The following MYCL variants were observed in gnomAD, a reference collection of about 807,000 sequenced individuals.
MYCL encodes the protein MYCL proto-oncogene, bHLH transcription factor, also known as protein L-Myc.
A neutral mutation model predicts 31.0 loss-of-function variants in MYCL; 11 were observed. That is an observed-to-expected ratio of 0.35 (90% confidence interval 0.22 to 0.59). The LOEUF is 0.59. Among genes scored for constraint, MYCL ranks in the 20% least tolerant of loss-of-function variants. The pLI, the probability that MYCL is intolerant of heterozygous loss-of-function variation, is 0.79. For missense variants in MYCL, 427 were observed against 486.1 expected (o/e 0.88, Z 1.14); for synonymous variants, 208 against 202.4 (o/e 1.03, Z -0.23).
At chr1:39,898,098 C>T in intron 1 of MYCL, 128 bp from the exon 2 acceptor site, 1 of 1,353,622 alleles carries the variant, frequency 7.4e-7, no homozygotes, top group South Asian at 1.5e-5. Flanking sequence ...TAGATATATA[C>T]AAATCGAGGT....
chr1:39,900,337 T>G, intron 1 of MYCL: 1 of 985,724 alleles, frequency 1.0e-6, no homozygotes, highest in Non-Finnish European at 1.2e-6. Flanking sequence ...GTAGTGATTG[T>G]CTATCTCTAA....
chr1:39,897,513 G>A lies in MYCL; in HGVS notation c.954C>T (p.Pro318=). The A allele has an allele frequency of 3.1e-6, 5 of 1,614,192 alleles. No individual in the cohort carries two copies. In the South Asian group the frequency reaches 4.4e-5, roughly 14 times the overall value. ...VPTLASCSKA[P]KVVILSKALE... is the part of the protein sequence containing the mutation. Reference sequence around the variant, plus strand: ...AGGCCTTGCTTAGGATCACTACTTTGGGGGCCTTGGAGCAGCTGGCCAGGG... The same window carrying A: ...AGGCCTTGCTTAGGATCACTACTTTAGGGGCCTTGGAGCAGCTGGCCAGGG... The change falls in exon 2 of 2, where the codon CCC becomes CCT. Residue 318 remains proline, a synonymous_variant. Coordinates refer to ENST00000372816, the MANE Select transcript of MYCL (RefSeq NM_001033081.3). The surrounding 1 kb of genome is among the most constrained non-coding windows in gnomAD (Gnocchi z 4.3).
chr1:39,898,510 GAA>G (rs1468307525), intron 1 of MYCL: 3 of 277,368 alleles, frequency 1.1e-5, no homozygotes, highest in African/African-American at 6.9e-5. Flanking sequence ...CCTTTCAGCT[GAA>G]GATTCAGAGA....
Position 39,896,744 on chromosome 1 carries a change from G to A in MYCL, c.*628C>T, listed in dbSNP as rs995916541. On this transcript the variant is annotated 3_prime_UTR_variant, in exon 2 of 2. Coordinates refer to ENST00000372816, the MANE Select transcript of MYCL (RefSeq NM_001033081.3). ...AAGCTTTTTAAGTGTTCCCAGGGTC[G>A]CAGCATTGGGAGTGGGAGGAAGGGG... is the stretch of plus-strand genomic sequence containing the variant. The A allele has an allele frequency of 1.4e-5, 3 of 216,642 alleles. No individual in the cohort carries two copies. The highest frequency in any genetic ancestry group is 6.8e-5 in the East Asian group (1 of 14,722). 13.4% of individuals were successfully genotyped at this position (216,642 alleles called of 1,614,324 possible). A position where few individuals can be genotyped will look rare whatever the true frequency, so the allele number is the denominator to read the frequency against.
chr1:39,900,090 C>A lies in MYCL; in HGVS notation c.496+849G>T. 3.0e-6 allele frequency: 3 copies of A among 985,434 alleles called. No individual in the cohort carries two copies. In the South Asian group the frequency reaches 1.4e-4, roughly 46 times the overall value. The allele number at this position is 985,434 out of a possible 1,614,324, so 61.0% of individuals were successfully genotyped here. A position where few individuals can be genotyped will look rare whatever the true frequency, so the allele number is the denominator to read the frequency against. On this transcript the variant is annotated intron_variant, in intron 1 of 1. Transcript: ENST00000372816. ...ACCCCAGCATGTAGCCCACAGATTGCCACAAAGTAGGGGCCAGTGAATATT... is the reference window on the plus strand; with the variant it reads ...ACCCCAGCATGTAGCCCACAGATTGACACAAAGTAGGGGCCAGTGAATATT...
intron 1 of MYCL, among the ~76,000 whole-genome samples, chr1:39,899,279 G>T (rs185537589): frequency 6.6e-6 from 1 of 152,212 alleles, no homozygotes; most frequent in African/African-American, 2.4e-5. Flanking sequence ...AACAGGTTCA[G>T]GTTAAAGGGT....
At position 39,901,762 on chromosome 1, in the gene MYCL, C is replaced by A; in HGVS notation, c.-328G>T. On this transcript the variant is annotated 5_prime_UTR_variant, in exon 1 of 2. Transcript: ENST00000372816. The surrounding 1 kb of genome is among the most constrained non-coding windows in gnomAD (Gnocchi z 6.9). ...CCCAGAAGGCAGCCTGCAGCCAGCC[C>A]GCACCGCGGGACCCGCGCCCGTGCC... 1 of 1,223,880 alleles carries A rather than the reference C, an allele frequency of 8.2e-7. No individual in the cohort carries two copies. The highest frequency in any genetic ancestry group is 4.1e-5 in the Admixed American group (1 of 24,484). 75.8% of individuals were successfully genotyped at this position (1,223,880 alleles called of 1,614,324 possible).
intron 1 of MYCL, chr1:39,899,165 T>C: frequency 1.3e-6 from 1 of 769,940 alleles, no homozygotes; most frequent in Non-Finnish European, 1.6e-6. Flanking sequence ...CCCTATTGGG[T>C]GAGCTCTGCT....
chr1:39,900,193 A>G, intron 1 of MYCL: 3 of 985,526 alleles, frequency 3.0e-6, no homozygotes, highest in Non-Finnish European at 3.6e-6. Context: ...TCTCAGGACA[A>G]ACAGCAAGGC....
intron 1 of MYCL, chr1:39,898,686 T>C (rs1480133464): frequency 1.0e-6 from 1 of 985,356 alleles, no homozygotes; most frequent in African/African-American, 1.7e-5. Context: ...TTTGTAATCA[T>C]AGGTCGGCGA....
rs1570181108 is a variant in MYCL, at chr1:39,897,360, C to A, written c.*12G>T. On this transcript the variant is annotated 3_prime_UTR_variant, in exon 2 of 2. Transcript: ENST00000372816. The surrounding 1 kb of genome is among the most constrained non-coding windows in gnomAD (Gnocchi z 4.3). ...GTCTTCGTAAGACAGAACTGTCAGG[C>A]TTTTTGGTCAGTTAGTAGCCAGTGA... 6.4e-7 allele frequency: 1 copy of A among 1,565,740 alleles called. No individual in the cohort carries two copies. The highest frequency in any genetic ancestry group is 8.7e-7 in the Non-Finnish European group (1 of 1,154,518).
Position 39,900,386 on chromosome 1 carries a change from C to T in MYCL, c.496+553G>A, listed in dbSNP as rs529481151. ...CATCTGTTAATGGGGAGTGTTCATT[C>T]TTCCCTCCCTGTCTCAGGGATGCAC... On this transcript the variant is annotated intron_variant, in intron 1 of 1. Transcript: ENST00000372816. The T allele has an allele frequency of 1.6e-5, 16 of 987,108 alleles. No homozygotes were observed. The African/African-American group carries it at 1.9e-4, about 12-fold the overall frequency. 61.1% of individuals were successfully genotyped at this position (987,108 alleles called of 1,614,324 possible).
intron 1 of MYCL, chr1:39,899,092 C>T (rs546206834): frequency 3.0e-6 from 3 of 985,340 alleles, no homozygotes; most frequent in South Asian, 9.4e-5. Context: ...GCCCTCCTGG[C>T]CCCAAAGCCC....
At chr1:39,898,712 A>T (rs1644506723) in intron 1 of MYCL, 2 of 985,388 alleles carry the variant, frequency 2.0e-6, no homozygotes, top group Non-Finnish European at 2.4e-6. Context: ...CAGGAACTTC[A>T]CAAAGGTACA....
intron 1 of MYCL, chr1:39,898,194 A>G: frequency 3.1e-6 from 2 of 636,296 alleles, no homozygotes; most frequent in Non-Finnish European, 2.6e-6. Context: ...ATATTCTCCA[A>G]TTTCCTTTTG....
At chr1:39,899,515 C>A (rs1240182440) in intron 1 of MYCL, 37 of 643,650 alleles carry the variant, frequency 5.7e-5, no homozygotes, top group Non-Finnish European at 7.1e-5. Flanking sequence ...CCCAGATCAG[C>A]GAAGTCCACA....
intron 1 of MYCL, among the ~76,000 whole-genome samples, chr1:39,899,303 A>C (rs1402818080): frequency 6.6e-6 from 1 of 152,204 alleles, no homozygotes; most frequent in Non-Finnish European, 1.5e-5. Context: ...TTAGAAAATG[A>C]TTCAGCAGGC....
At position 39,897,827 on chromosome 1, in the gene MYCL, A is replaced by G; in HGVS notation, c.640T>C (p.Tyr214His). 6.2e-7 allele frequency: 1 copy of G among 1,614,176 alleles called. No homozygotes were observed. Among genetic ancestry groups the G allele is most frequent in the Non-Finnish European group, 8.5e-7 (1 of 1,180,042 alleles). Residue 214 changes from tyrosine (Y) to histidine (H), a missense_variant, in exon 2 of 2, where the codon TAT becomes CAT. Coordinates refer to ENST00000372816, the MANE Select transcript of MYCL (RefSeq NM_001033081.3). This position sits in a 1 kb window ranked among gnomAD's most constrained non-coding sequence, Gnocchi z 4.3. ...CTTTCTGGAGGAAAACGGGCAGCAT[A>G]GTTGTGCTGTTGCTGATGGATGGAG... is the stretch of plus-strand genomic sequence containing the variant. ...HISIHQQQHN[Y>H]AARFPPESCS...
chr1:39,897,666 G>C lies in MYCL; in HGVS notation c.801C>G (p.Ser267=), dbSNP rs374101979. The change falls in exon 2 of 2, where the codon TCC becomes TCG. Residue 267 remains serine, a synonymous_variant. Transcript: ENST00000372816. This position sits in a 1 kb window ranked among gnomAD's most constrained non-coding sequence, Gnocchi z 4.3. ...PPPVESEAAQ[S]CHPKPVSSDT... ...CAGAACTGACAGGTTTGGGGTGGCA[G>C]GACTGGGCAGCCTCACTTTCTACAG... 5 of 1,614,206 alleles carry C rather than the reference G, an allele frequency of 3.1e-6. No individual in the cohort carries two copies. The highest frequency in any genetic ancestry group is 4.2e-6 in the Non-Finnish European group (5 of 1,180,040).
Sources: gnomAD v4.1 joint callset for allele counts (sites outside exome capture counted in the v4.1 genomes callset) on GRCh38, gnomAD v4.1.1 for gene constraint, Gnocchi (gnomAD v3.1) non-coding constraint, MANE v1.5 for transcripts, NCBI Gene and HGNC (gene_info 2026-07-23, HGNC 2026-07-21) for gene names.